CADM1: variants seen among roughly 807,000 people sequenced by gnomAD.
CADM1 encodes cell adhesion molecule 1.
CADM1 carries 15 observed loss-of-function variants against 53.1 expected under a neutral mutation model. The observed-to-expected ratio is 0.28, with a 90% confidence interval of 0.19 to 0.44. CADM1 has a LOEUF of 0.44. Ranked by LOEUF, CADM1 falls within the 20% of genes least tolerant of loss-of-function variation. The pLI is 1.00. For missense variants in CADM1, 434 were observed against 611.3 expected (o/e 0.71, Z 3.06); for synonymous variants, 281 against 243.0 (o/e 1.16, Z -1.45).
chr11:115,374,159 C>A (rs1946381788), intron 1 of CADM1, among the ~76,000 whole-genome samples: 1 of 152,072 alleles, frequency 6.6e-6, no homozygotes, highest in Non-Finnish European at 1.5e-5. Flanking sequence ...AAACAAAAAA[C>A]CTTCTAAGAT....
rs567968562 is a variant in CADM1, at chr11:115,175,277, T to A, written c.*1197A>T. ...AAGCCAAATCTGAAGGAATGAAAGTTTCACACAGATTCGAGTTGGAAATCC... is the reference window on the plus strand; with the variant it reads ...AAGCCAAATCTGAAGGAATGAAAGTATCACACAGATTCGAGTTGGAAATCC... On this transcript the variant is annotated 3_prime_UTR_variant, in exon 12 of 12. Coordinates refer to ENST00000331581, the MANE Select transcript of CADM1 (RefSeq NM_001301043.2). The A allele has an allele frequency of 9.1e-5, 90 of 985,584 alleles. No homozygotes were observed. Among genetic ancestry groups the A allele is most frequent in the Non-Finnish European group, 1.0e-4 (86 of 829,944 alleles). 61.1% of individuals were successfully genotyped at this position (985,584 alleles called of 1,614,324 possible). A position where few individuals can be genotyped will look rare whatever the true frequency, so the allele number is the denominator to read the frequency against.
intron 1 of CADM1, among the ~76,000 whole-genome samples, chr11:115,416,605 C>G (rs1226547400): frequency 6.6e-6 from 1 of 151,952 alleles, no homozygotes; most frequent in Non-Finnish European, 1.5e-5. Context: ...TATTTTCAGA[C>G]TCAGCATACA....
chr11:115,256,426 T>C (rs1355830151), intron 1 of CADM1, among the ~76,000 whole-genome samples: 1 of 152,202 alleles, frequency 6.6e-6, no homozygotes, highest in Non-Finnish European at 1.5e-5. Context: ...TGAATATCCA[T>C]GGATCAGCCT....
intron 1 of CADM1, among the ~76,000 whole-genome samples, chr11:115,319,912 A>G (rs1407951099): frequency 6.6e-6 from 1 of 152,212 alleles, no homozygotes; most frequent in Non-Finnish European, 1.5e-5. Flanking sequence ...ATTATCAAAC[A>G]TAATTTTATC....
At chr11:115,374,022 A>G (rs1223717260) in intron 1 of CADM1, among the ~76,000 whole-genome samples, 1 of 152,218 alleles carries the variant, frequency 6.6e-6, no homozygotes, top group African/African-American at 2.4e-5. Context: ...AAAGATCTAA[A>G]AACAGTGACC....
At chr11:115,471,219 G>A (rs1043425944) in intron 1 of CADM1, among the ~76,000 whole-genome samples, 2 of 152,084 alleles carry the variant, frequency 1.3e-5, no homozygotes, top group East Asian at 1.9e-4. Context: ...TATAGCCTGT[G>A]CCATTTTGGG....
intron 8 of CADM1, among the ~76,000 whole-genome samples, chr11:115,201,354 T>C (rs919530243): frequency 6.6e-6 from 1 of 152,100 alleles, no homozygotes; most frequent in Non-Finnish European, 1.5e-5. Context: ...AAGAAAACAT[T>C]CTTTAGAAGT....
rs187310092 is a variant in CADM1, at chr11:115,497,971, G to C, written c.124+6300C>G. Among the ~76,000 whole-genome samples, 168 of 133,530 alleles carry C rather than the reference G, an allele frequency of 1.3e-3. 2 individuals carry two copies. The East Asian group carries it at 0.019, about 15-fold the overall frequency. The allele number at this position is 133,530 out of a possible 152,430, so 87.6% of individuals were successfully genotyped here. Reference sequence around the variant, plus strand: ...TATTTAATGAAATTTTTGAGAAAGAGCCTCAAAAAAAAAAAAAAAAACCCT... The same window carrying C: ...TATTTAATGAAATTTTTGAGAAAGACCCTCAAAAAAAAAAAAAAAAACCCT... On this transcript the variant is annotated intron_variant, in intron 1 of 11. Transcript: ENST00000331581.
intron 1 of CADM1, among the ~76,000 whole-genome samples, chr11:115,276,388 T>G (rs1007307430): frequency 6.6e-6 from 1 of 152,110 alleles, no homozygotes; most frequent in Non-Finnish European, 1.5e-5. Context: ...AGAGACAGCA[T>G]ATGGGAGAAG....
At chr11:115,242,106 G>GA (rs964988295) in intron 1 of CADM1, among the ~76,000 whole-genome samples, 6 of 150,466 alleles carry the variant, frequency 4.0e-5, no homozygotes, top group African/African-American at 1.2e-4. Context: ...AAAGGATAAG[G>GA]AAAAAAAATT....
At chr11:115,315,001 G>A (rs969588773) in intron 1 of CADM1, among the ~76,000 whole-genome samples, 6 of 152,160 alleles carry the variant, frequency 3.9e-5, no homozygotes, top group Non-Finnish European at 8.8e-5. Context: ...ATTGTGATCG[G>A]ATTTGGAGTT....
At chr11:115,232,322 A>G (rs968600674) in intron 3 of CADM1, among the ~76,000 whole-genome samples, 1 of 152,234 alleles carries the variant, frequency 6.6e-6, no homozygotes, top group Non-Finnish European at 1.5e-5. Flanking sequence ...AACCAGTTCC[A>G]TGTAATCAAA....
At chr11:115,249,397 C>T (rs1158088653) in intron 1 of CADM1, among the ~76,000 whole-genome samples, 1 of 152,226 alleles carries the variant, frequency 6.6e-6, no homozygotes, top group East Asian at 1.9e-4. Flanking sequence ...TAAATAGCAG[C>T]TGATAGCTGA....
chr11:115,504,381 A>C lies in CADM1; in HGVS notation c.14T>G (p.Val5Gly). 1.9e-6 allele frequency: 3 copies of C among 1,547,152 alleles called. No individual in the cohort carries two copies. The South Asian group carries it at 3.6e-5, about 18-fold the overall frequency. Residue 5 changes from valine to glycine, a missense_variant, in exon 1 of 12, where the codon GTG becomes GGG. By Grantham distance (109) the Val-to-Gly change is moderately radical. Around this residue, in one of 4 missense-constraint regions of CADM1, gnomAD observed 76 missense variants for 59.8 expected, o/e 1.27. Coordinates refer to ENST00000331581, the MANE Select transcript of CADM1 (RefSeq NM_001301043.2). Reference protein sequence around the residue: MASVVLPSGSQCAAA... With the variant: MASVGLPSGSQCAAA... The stretch of plus-strand genomic sequence containing the variant: ...CGCACACTGGGATCCGCTCGGCAGC[A>C]CTACACTCGCCATGTCGGGCACCTG...
intron 1 of CADM1, among the ~76,000 whole-genome samples, chr11:115,433,255 G>A (rs117204242): frequency 0.014 from 2,095 of 152,168 alleles, 24 homozygotes; most frequent in South Asian, 0.028. Flanking sequence ...ATTTCTCCCT[G>A]TGGTATAGAC....
chr11:115,321,101 T>C (rs142616315), intron 1 of CADM1, among the ~76,000 whole-genome samples: 1 of 152,306 alleles, frequency 6.6e-6, no homozygotes, highest in East Asian at 1.9e-4. Context: ...TTATCTTAGG[T>C]TCTAAAATAT....
intron 8 of CADM1, among the ~76,000 whole-genome samples, chr11:115,206,356 G>A (rs938822128): frequency 2.8e-4 from 43 of 152,174 alleles, no homozygotes; most frequent in African/African-American, 8.9e-4. Flanking sequence ...GACCTGCTCC[G>A]TGTAGGGTAA....
At chr11:115,445,189 G>A (rs544331354) in intron 1 of CADM1, among the ~76,000 whole-genome samples, 1 of 152,030 alleles carries the variant, frequency 6.6e-6, no homozygotes, top group East Asian at 1.9e-4. Flanking sequence ...GGCTGATTTG[G>A]GTTTGACTGG....
chr11:115,465,541 C>A (rs1948881410), intron 1 of CADM1, among the ~76,000 whole-genome samples: 1 of 152,132 alleles, frequency 6.6e-6, no homozygotes, highest in South Asian at 2.1e-4. Context: ...TTACCAAGTA[C>A]CTTCTACCAT....
Sources: gnomAD v4.1 joint callset for allele counts (sites outside exome capture counted in the v4.1 genomes callset) on GRCh38, gnomAD v4.1.1 for gene constraint, gnomAD v4.1.1 regional missense constraint, MANE v1.5 for transcripts, NCBI Gene and HGNC (gene_info 2026-07-23, HGNC 2026-07-21) for gene names.